FAF1: variants seen among roughly 807,000 people sequenced by gnomAD.
FAF1 encodes the protein FAS-associated factor 1.
A neutral mutation model predicts 92.5 loss-of-function variants in FAF1; 25 were observed. The observed-to-expected ratio is 0.27, with a 90% CI of 0.20 to 0.38. The LOEUF is 0.38. Among genes scored for constraint, FAF1 ranks in the 10% least tolerant of loss-of-function variants. The pLI, the probability that FAF1 is intolerant of heterozygous loss-of-function variation, is 1.00. For synonymous variants in FAF1, 234 were observed against 273.2 expected (o/e 0.86, Z 1.42); for missense variants, 636 against 793.3 (o/e 0.80, Z 2.38).
chr1:50,912,595 A>G (rs1308633838), intron 1 of FAF1, among the ~76,000 whole-genome samples: 3 of 152,164 alleles, frequency 2.0e-5, no homozygotes, highest in Admixed American at 6.5e-5. Flanking sequence ...GGTTATCACA[A>G]CCTACACAGA....
chr1:50,866,172 G>T (rs1644480253), intron 1 of FAF1, among the ~76,000 whole-genome samples: 1 of 151,984 alleles, frequency 6.6e-6, no homozygotes, highest in African/African-American at 2.4e-5. Context: ...AAAACCCTCA[G>T]CAAAATCAGC....
intron 8 of FAF1, among the ~76,000 whole-genome samples, chr1:50,631,858 T>C (rs1653805763): frequency 6.6e-6 from 1 of 152,200 alleles, no homozygotes; most frequent in Non-Finnish European, 1.5e-5. Context: ...GCATTGAACC[T>C]ATATGAAGAT....
At chr1:50,690,631 C>T (rs1656879683) in intron 7 of FAF1, among the ~76,000 whole-genome samples, 1 of 151,970 alleles carries the variant, frequency 6.6e-6, no homozygotes, top group Admixed American at 6.6e-5. Flanking sequence ...AAAACTGTTG[C>T]ATACAAAGAA....
At chr1:50,653,723 G>A (rs754970111) in intron 8 of FAF1, among the ~76,000 whole-genome samples, 11 of 152,218 alleles carry the variant, frequency 7.2e-5, no homozygotes, top group Middle Eastern at 6.8e-3. Flanking sequence ...AAAATTACCC[G>A]GGTGTGGCGG....
rs568225405 is a variant in FAF1 at position 50,523,406 on chromosome 1, G to A, written c.1494+11963C>T. On this transcript the variant is annotated intron_variant, in intron 15 of 18. Transcript: ENST00000396153. ...CAATGTACAAGGGTTCTAAATTTGT[G>A]TCTACATCCTCATAAATTCTTATGT... Among the ~76,000 whole-genome samples the A allele has an allele frequency of 2.0e-5, 3 of 152,230 alleles. No homozygotes were observed. In the South Asian group the frequency reaches 6.2e-4, roughly 32 times the overall value.
At chr1:50,499,919 T>A (rs1388828767) in intron 15 of FAF1, among the ~76,000 whole-genome samples, 1 of 152,166 alleles carries the variant, frequency 6.6e-6, no homozygotes, top group Admixed American at 6.5e-5. Context: ...TCATTTATAA[T>A]AGCATAAAAT....
chr1:50,891,500 C>T lies in FAF1; in HGVS notation c.46-33503G>A, dbSNP rs570380046. On this transcript the variant is annotated intron_variant, in intron 1 of 18. Coordinates refer to ENST00000396153, the MANE Select transcript of FAF1 (RefSeq NM_007051.3). ...CTTGCCATCTTTGTGTTTTTATCTA[C>T]CTTTGGTCTTTGATGATAGTGACAT... 2.6e-5 allele frequency among the ~76,000 whole-genome samples: 4 copies of T among 152,210 alleles called. No homozygotes were observed. The South Asian group carries it at 6.2e-4, about 24-fold the overall frequency.
chr1:50,536,925 A>G (rs1260509633), intron 14 of FAF1, among the ~76,000 whole-genome samples: 1 of 152,188 alleles, frequency 6.6e-6, no homozygotes, highest in Non-Finnish European at 1.5e-5. Context: ...ATTGGTAGTT[A>G]ATATTAATAG....
At position 50,640,829 on chromosome 1, in the gene FAF1, A is replaced by ATTTTTTTTT. The variant is rs71059592; in HGVS notation, c.744+14604_744+14612dup. Reference sequence around the variant, plus strand: ...AGTCTAGCTAGGAGTTTATCAGCTGATTTTTTTTTTTTTTTTTTTTTTTGA... The same window carrying ATTTTTTTTT: ...AGTCTAGCTAGGAGTTTATCAGCTGATTTTTTTTTTTTTTTTTTTTTTTTTTTTTTTTGA... On this transcript the variant is annotated intron_variant, in intron 8 of 18. Coordinates refer to ENST00000396153, the MANE Select transcript of FAF1 (RefSeq NM_007051.3). 3.8e-4 allele frequency among the ~76,000 whole-genome samples: 34 copies of ATTTTTTTTT among 88,510 alleles called. 1 individual carries two copies. Among genetic ancestry groups the ATTTTTTTTT allele is most frequent in the Non-Finnish European group, 4.6e-4 (23 of 50,150 alleles). The allele number at this position is 88,510 out of a possible 152,430, so 58.1% of individuals were successfully genotyped here.
chr1:50,725,278 T>C (rs1159932406), intron 6 of FAF1, among the ~76,000 whole-genome samples: 1 of 152,124 alleles, frequency 6.6e-6, no homozygotes, highest in Admixed American at 6.6e-5. Context: ...CTTCCCTAAG[T>C]CATACAGTGA....
At chr1:50,762,199 C>G (rs1308859942) in intron 4 of FAF1, among the ~76,000 whole-genome samples, 1 of 152,056 alleles carries the variant, frequency 6.6e-6, no homozygotes, top group African/African-American at 2.4e-5. Flanking sequence ...AGGATACAAA[C>G]AAATGGAAGA....
intron 1 of FAF1, among the ~76,000 whole-genome samples, chr1:50,959,132 C>T (rs1380036426): frequency 6.6e-6 from 1 of 152,144 alleles, no homozygotes; most frequent in Admixed American, 6.5e-5. Flanking sequence ...GGGGAATCCG[C>T]AAATATGAAT....
chr1:50,713,466 GT>G (rs965101073), intron 6 of FAF1, among the ~76,000 whole-genome samples: 8 of 152,018 alleles, frequency 5.3e-5, no homozygotes, highest in African/African-American at 1.9e-4. Context: ...TAGAGACGGT[GT>G]TTCACTATGT....
At chr1:50,736,576 C>A (rs951650183) in intron 6 of FAF1, among the ~76,000 whole-genome samples, 1 of 152,006 alleles carries the variant, frequency 6.6e-6, no homozygotes, top group Non-Finnish European at 1.5e-5. Context: ...ATGGTGAAAC[C>A]CCATCTCTAC....
intron 13 of FAF1, among the ~76,000 whole-genome samples, chr1:50,556,958 A>C (rs915166865): frequency 4.6e-5 from 7 of 152,354 alleles, no homozygotes; most frequent in African/African-American, 1.7e-4. Flanking sequence ...TGCTTCAAGA[A>C]CTAACAAGTT....
rs2149034649 is a variant in FAF1 at position 50,529,836 on chromosome 1, G to T, written c.1494+5533C>A. On this transcript the variant is annotated intron_variant, in intron 15 of 18. Transcript: ENST00000396153. Reference sequence around the variant, plus strand: ...GTTCTTAGGCCCTACACAGTGTCTGGTATACACTAAAAGCTCAATAAATAT... The same window carrying T: ...GTTCTTAGGCCCTACACAGTGTCTGTTATACACTAAAAGCTCAATAAATAT... Among the ~76,000 whole-genome samples, 2 of 152,172 alleles carry T rather than the reference G, an allele frequency of 1.3e-5. 1 individual carries two copies. Among genetic ancestry groups the T allele is most frequent in the Middle Eastern group, 6.8e-3 (2 of 294 alleles).
At chr1:50,715,076 G>GA (rs1336860040) in intron 6 of FAF1, 1 of 384,786 alleles carries the variant, frequency 2.6e-6, no homozygotes, top group East Asian at 7.2e-5. Flanking sequence ...TCTACAAACA[G>GA]AAAAAGACTA....
intron 8 of FAF1, among the ~76,000 whole-genome samples, chr1:50,645,060 T>C (rs144156271): frequency 1.0e-3 from 159 of 152,366 alleles, no homozygotes; most frequent in African/African-American, 3.7e-3. Context: ...AAAGCTGTTC[T>C]TTCCATCTGT....
chr1:50,587,858 G>A (rs1651312258), intron 9 of FAF1, among the ~76,000 whole-genome samples: 3 of 152,138 alleles, frequency 2.0e-5, no homozygotes, highest in Admixed American at 2.0e-4. Context: ...ACTTCCTGGA[G>A]GAGATGATAA....
Sources: gnomAD v4.1 joint callset for allele counts (sites outside exome capture counted in the v4.1 genomes callset) on GRCh38, gnomAD v4.1.1 for gene constraint, MANE v1.5 for transcripts, NCBI Gene and HGNC (gene_info 2026-07-23, HGNC 2026-07-21) for gene names.